TOPAZ1: variants seen among roughly 807,000 people sequenced by gnomAD.
The protein encoded by TOPAZ1 is protein TOPAZ1.
TOPAZ1 carries 66 observed loss-of-function variants against 172.2 expected under a neutral mutation model. The observed-to-expected ratio is 0.38, with a 90% CI of 0.31 to 0.47. The LOEUF is 0.47. Ranked by LOEUF, TOPAZ1 falls within the 20% of genes least tolerant of loss-of-function variation. The pLI, the probability that TOPAZ1 is intolerant of heterozygous loss-of-function variation, is 0.99. For missense variants in TOPAZ1, 1,822 were observed against 1,972.4 expected, an observed-to-expected ratio of 0.92 and a Z score of 1.44; for synonymous variants, 681 against 683.9, an observed-to-expected ratio of 1.00 and a Z score of 0.07.
At chr3:44,246,691 T>C (rs1466405627) in intron 2 of TOPAZ1, among the ~76,000 whole-genome samples, 1 of 152,250 alleles carries the variant, frequency 6.6e-6, no homozygotes, top group Non-Finnish European at 1.5e-5. Context: ...TGTCTTACTC[T>C]AAACCTAGTG....
At position 44,243,973 on chromosome 3, in the gene TOPAZ1, T is replaced by G; in HGVS notation, c.1467T>G (p.Thr489=). Residue 489 remains threonine, a synonymous_variant, in exon 2 of 20, where the codon ACT becomes ACG. Coordinates refer to ENST00000309765, the MANE Select transcript of TOPAZ1 (RefSeq NM_001145030.2). ...GCTGTCAGAGAACAATACCTATGAC[T>G]GGTAAAAGAACTTGGCCCTATTATT... ...KLSCQRTIPM[T]GKRTWPYYSC... 6.4e-7 allele frequency: 1 copy of G among 1,552,322 alleles called. No individual in the cohort carries two copies.
At chr3:44,284,032 A>G (rs1166862773) in intron 9 of TOPAZ1, among the ~76,000 whole-genome samples, 2 of 152,094 alleles carry the variant, frequency 1.3e-5, no homozygotes, top group Admixed American at 6.6e-5. Context: ...TCAGGTGTGC[A>G]TTTAGTTGTC....
At chr3:44,252,453 G>A (rs542690874) in intron 2 of TOPAZ1, among the ~76,000 whole-genome samples, 4 of 152,222 alleles carry the variant, frequency 2.6e-5, no homozygotes, top group Non-Finnish European at 5.9e-5. Flanking sequence ...TTTCAGCCAC[G>A]TGGGGGTAGT....
At chr3:44,312,441 A>G (rs1700407362) in intron 16 of TOPAZ1, among the ~76,000 whole-genome samples, 1 of 152,218 alleles carries the variant, frequency 6.6e-6, no homozygotes, top group Non-Finnish European at 1.5e-5. Context: ...CTTTTTACAT[A>G]TATTTTTCCT....
At chr3:44,291,594 AAAAT>A (rs573271852) in intron 12 of TOPAZ1, among the ~76,000 whole-genome samples, 8 of 151,912 alleles carry the variant, frequency 5.3e-5, no homozygotes, top group Admixed American at 4.6e-4. Context: ...CTCCGTCTCA[AAAAT>A]AAATAAATAA....
chr3:44,326,567 A>C (rs1700603023), intron 18 of TOPAZ1, among the ~76,000 whole-genome samples: 1 of 152,150 alleles, frequency 6.6e-6, no homozygotes, highest in Admixed American at 6.6e-5. Context: ...CACTCTGGAT[A>C]CAAATCCCTT....
intron 12 of TOPAZ1, among the ~76,000 whole-genome samples, chr3:44,293,725 A>G (rs945099497): frequency 2.0e-5 from 3 of 152,138 alleles, no homozygotes; most frequent in Non-Finnish European, 4.4e-5. Context: ...TTTTTTCTAA[A>G]TTAAGTGTAG....
In TOPAZ1 at chr3:44,242,226, C is replaced by T. The variant is rs977546547; in HGVS notation, c.173C>T (p.Pro58Leu). ...QKRRMVARAT[P>L]GRGEVESDKS... ...AGGAGAATGGTGGCCCGGGCCACCC[C>T]TGGGAGAGGCGAGGTGGAAAGTGAT... Residue 58 changes from proline to leucine, a missense_variant, in exon 1 of 20, where the codon CCT becomes CTT. Transcript: ENST00000309765. 1 of 1,546,810 alleles carries T rather than the reference C, an allele frequency of 6.5e-7. No individual in the cohort carries two copies. The highest frequency in any genetic ancestry group is 1.2e-5 in the South Asian group (1 of 83,642).
At chr3:44,286,598 A>G (rs1353619583) in intron 9 of TOPAZ1, among the ~76,000 whole-genome samples, 1 of 152,216 alleles carries the variant, frequency 6.6e-6, no homozygotes, top group Non-Finnish European at 1.5e-5. Context: ...TGGCTTTCCT[A>G]AACAATACCA....
Position 44,270,751 on chromosome 3 carries a change from C to T in TOPAZ1, c.3313C>T (p.Arg1105Cys), listed in dbSNP as rs1355463140. ...KYCKFHFNTLRGCERPLCKFA... is the reference protein window; with the variant it reads ...KYCKFHFNTLCGCERPLCKFA... ...TTGCAAATTTCATTTTAATACATTA[C>T]GTGGCTGTGAGCGACCACTGTGCAA... Residue 1105 changes from arginine to cysteine, a missense_variant, in exon 8 of 20, where the codon CGT becomes TGT. Coordinates refer to ENST00000309765, the MANE Select transcript of TOPAZ1 (RefSeq NM_001145030.2). 1.2e-5 allele frequency: 18 copies of T among 1,550,648 alleles called. No homozygotes were observed. Among genetic ancestry groups the T allele is most frequent in the East Asian group, 7.3e-5 (3 of 40,870 alleles).
Position 44,249,524 on chromosome 3 carries a change from G to T in TOPAZ1, c.2765+4253G>T, listed in dbSNP as rs142121760. ...GTTTTCCTGATTCCATCAGGCAGAGGTAGAATCCCTTATGCATTCCCATAG... is the reference window on the plus strand; with the variant it reads ...GTTTTCCTGATTCCATCAGGCAGAGTTAGAATCCCTTATGCATTCCCATAG... On this transcript the variant is annotated intron_variant, in intron 2 of 19. Transcript: ENST00000309765. 4.6e-5 allele frequency among the ~76,000 whole-genome samples: 7 copies of T among 152,252 alleles called. No individual in the cohort carries two copies. In the East Asian group the frequency reaches 1.4e-3, roughly 29 times the overall value.
chr3:44,242,200 G>A lies in TOPAZ1; in HGVS notation c.147G>A (p.Lys49=), dbSNP rs1380678823. Residue 49 remains lysine (K), a synonymous_variant, in exon 1 of 20, where the codon AAG becomes AAA. Transcript: ENST00000309765. ...EAGGCRENKQ[K]RRMVARATPG... The stretch of plus-strand genomic sequence containing the variant: ...GGGGGTGCCGGGAAAATAAGCAAAA[G>A]AGGAGAATGGTGGCCCGGGCCACCC... The A allele has an allele frequency of 1.3e-6, 2 of 1,544,862 alleles. No homozygotes were observed. The highest frequency in any genetic ancestry group is 1.7e-6 in the Non-Finnish European group (2 of 1,145,058).
At chr3:44,329,187 C>G (rs1295430314) in intron 19 of TOPAZ1, among the ~76,000 whole-genome samples, 1 of 152,198 alleles carries the variant, frequency 6.6e-6, no homozygotes, top group Non-Finnish European at 1.5e-5. Context: ...TGGCTTAAAA[C>G]AGAAAATAGT....
chr3:44,290,668 G>A (rs1383852539), intron 11 of TOPAZ1, 103 bp from the exon 12 acceptor site: 3 of 658,790 alleles, frequency 4.6e-6, no homozygotes, highest in East Asian at 3.2e-5. Context: ...TTGTCTCCAT[G>A]TTTCACTTCT....
chr3:44,329,592 CCA>C (rs1364087313), intron 19 of TOPAZ1, among the ~76,000 whole-genome samples: 3 of 152,148 alleles, frequency 2.0e-5, no homozygotes, highest in Non-Finnish European at 4.4e-5. Flanking sequence ...AGCTAACCTG[CCA>C]CAGTTTCATA....
intron 19 of TOPAZ1, among the ~76,000 whole-genome samples, chr3:44,329,655 T>TTA (rs1700642696): frequency 6.6e-6 from 1 of 152,192 alleles, no homozygotes; most frequent in Non-Finnish European, 1.5e-5. Context: ...AGGACTTCAT[T>TTA]ATTTGTGGTA....
intron 5 of TOPAZ1, among the ~76,000 whole-genome samples, chr3:44,263,893 A>G (rs1297722859): frequency 6.6e-6 from 1 of 152,202 alleles, no homozygotes; most frequent in Admixed American, 6.5e-5. Context: ...TTGCTTATGT[A>G]GGATCTCACA....
intron 11 of TOPAZ1, among the ~76,000 whole-genome samples, chr3:44,288,692 A>G (rs1174437567): frequency 6.6e-6 from 1 of 152,150 alleles, no homozygotes; most frequent in Non-Finnish European, 1.5e-5. Flanking sequence ...ATAAAAAGTT[A>G]CTGATAACCC....
rs189157326 is a variant in TOPAZ1, at chr3:44,285,189, A to G, written c.3437-2200A>G. ...TTTTAAAAAGCAATGTAGGCTGGGT[A>G]CAGTGGCTCACACCTGTAATCTCAG... On this transcript the variant is annotated intron_variant, in intron 9 of 19. Transcript: ENST00000309765. Among the ~76,000 whole-genome samples, 4 of 152,314 alleles carry G rather than the reference A, an allele frequency of 2.6e-5. No homozygotes were observed. The East Asian group carries it at 7.7e-4, about 29-fold the overall frequency.
Sources: gnomAD v4.1 joint callset for allele counts (sites outside exome capture counted in the v4.1 genomes callset) on GRCh38, gnomAD v4.1.1 for gene constraint, MANE v1.5 for transcripts, NCBI Gene and HGNC (gene_info 2026-07-23, HGNC 2026-07-21) for gene names.